RBFOX1: variants seen among roughly 807,000 people sequenced by gnomAD.
RBFOX1 encodes RNA binding protein fox-1 homolog 1.
RBFOX1 carries 8 observed loss-of-function variants against 57.7 expected under a neutral mutation model. The observed-to-expected ratio is 0.14, with a 90% CI of 0.08 to 0.25. RBFOX1 has a LOEUF of 0.25. Among genes scored for constraint, RBFOX1 ranks in the 10% least tolerant of loss-of-function variants. RBFOX1 has a pLI of 1.00. For missense variants in RBFOX1, 611 were observed against 548.5 expected (o/e 1.11, Z -1.14); for synonymous variants, 326 against 222.4 (o/e 1.47, Z -4.15).
At chr16:7,659,289 G>A (rs1303962900) in intron 12 of RBFOX1, among the ~76,000 whole-genome samples, 3 of 152,178 alleles carry the variant, frequency 2.0e-5, no homozygotes, top group South Asian at 2.1e-4. Context: ...ATGTTTTCAC[G>A]TTAAGTCCTA....
At chr16:5,796,070 T>TG (rs1047811334) in intron 3 of RBFOX1, among the ~76,000 whole-genome samples, 1 of 152,162 alleles carries the variant, frequency 6.6e-6, no homozygotes, top group African/African-American at 2.4e-5. Context: ...GCTTGTAGAT[T>TG]GGGGGAAGGG....
intron 2 of RBFOX1, among the ~76,000 whole-genome samples, chr16:5,502,512 T>C (rs1400339764): frequency 1.3e-5 from 2 of 152,200 alleles, no homozygotes; most frequent in Non-Finnish European, 2.9e-5. Context: ...TCTCTGGGTC[T>C]GGCTGGAGAC....
chr16:6,207,050 A>T (rs1272415241), intron 1 of RBFOX1, among the ~76,000 whole-genome samples: 3 of 147,864 alleles, frequency 2.0e-5, no homozygotes, highest in Non-Finnish European at 3.0e-5. Flanking sequence ...CTCAAGTTTT[A>T]TTTGGAGTTG....
chr16:7,691,211 C>G (rs1262683829), intron 14 of RBFOX1, among the ~76,000 whole-genome samples: 1 of 128,164 alleles, frequency 7.8e-6, no homozygotes, highest in African/African-American at 2.7e-5. Flanking sequence ...AGAACTCTGC[C>G]TTGAAACAGA....
chr16:7,420,500 C>T (rs968080327), intron 4 of RBFOX1, among the ~76,000 whole-genome samples: 1 of 152,150 alleles, frequency 6.6e-6, no homozygotes, highest in East Asian at 1.9e-4. Flanking sequence ...CATCTCTTGT[C>T]AGACTCATGT....
downstream of RBFOX1, among the ~76,000 whole-genome samples, chr16:5,604,010 C>A (rs1043867255): frequency 3.9e-5 from 6 of 152,084 alleles, no homozygotes; most frequent in African/African-American, 1.4e-4. Flanking sequence ...CATTAGTAAT[C>A]AATGGTGCCA....
At chr16:5,759,701 C>G (rs987013012) in intron 3 of RBFOX1, among the ~76,000 whole-genome samples, 2 of 152,180 alleles carry the variant, frequency 1.3e-5, no homozygotes, top group Admixed American at 6.5e-5. Context: ...CCACAAGCCT[C>G]TCGGTCTTTC....
intron 3 of RBFOX1, among the ~76,000 whole-genome samples, chr16:5,836,085 G>C (rs1473549808): frequency 1.3e-5 from 2 of 152,224 alleles, no homozygotes; most frequent in African/African-American, 4.8e-5. Flanking sequence ...GTAGCTTGCA[G>C]CAGATGTTTA....
intron 3 of RBFOX1, among the ~76,000 whole-genome samples, chr16:6,886,285 C>A (rs528666467): frequency 6.6e-6 from 1 of 151,868 alleles, no homozygotes; most frequent in Non-Finnish European, 1.5e-5. Flanking sequence ...TAGTCTCGAT[C>A]TCTTGACCTC....
chr16:6,816,113 G>C (rs1226685460), intron 3 of RBFOX1, among the ~76,000 whole-genome samples: 2 of 152,088 alleles, frequency 1.3e-5, no homozygotes, highest in African/African-American at 4.8e-5. Flanking sequence ...TTCGAGACCA[G>C]CCTGTGCAAC....
chr16:6,737,978 C>G (rs1245710608), intron 3 of RBFOX1, among the ~76,000 whole-genome samples: 3 of 151,014 alleles, frequency 2.0e-5, no homozygotes, highest in East Asian at 1.9e-4. Flanking sequence ...GAGAAAAGTG[C>G]TAAATAAATT....
intron 4 of RBFOX1, among the ~76,000 whole-genome samples, chr16:7,482,135 A>AACAATAAT (rs1460982703): frequency 2.6e-5 from 4 of 152,208 alleles, no homozygotes; most frequent in African/African-American, 9.7e-5. Context: ...CTATAGTCAT[A>AACAATAAT]ACAATAATAT....
chr16:5,589,263 T>C (rs2046930931), intron 2 of RBFOX1, among the ~76,000 whole-genome samples: 1 of 152,158 alleles, frequency 6.6e-6, no homozygotes, highest in Non-Finnish European at 1.5e-5. Context: ...AATGCTTCTG[T>C]TCCTTTGCAT....
At chr16:7,200,215 C>T (rs963141174) in intron 4 of RBFOX1, among the ~76,000 whole-genome samples, 1 of 152,124 alleles carries the variant, frequency 6.6e-6, no homozygotes, top group African/African-American at 2.4e-5. Flanking sequence ...AAAGGAAACT[C>T]GACTGTCCTT....
At chr16:7,285,352 A>G (rs2095629102) in intron 4 of RBFOX1, among the ~76,000 whole-genome samples, 1 of 151,456 alleles carries the variant, frequency 6.6e-6, no homozygotes, top group African/African-American at 2.4e-5. Context: ...ATTTTATTCA[A>G]ATTTCCCCAA....
At chr16:5,725,525 A>C (rs915948089) in intron 3 of RBFOX1, among the ~76,000 whole-genome samples, 2 of 151,742 alleles carry the variant, frequency 1.3e-5, no homozygotes, top group African/African-American at 4.8e-5. Flanking sequence ...TTAGCCTCCA[A>C]GTGTTGGGAC....
intron 3 of RBFOX1, among the ~76,000 whole-genome samples, chr16:6,810,699 G>A (rs2039150168): frequency 6.6e-6 from 1 of 152,060 alleles, no homozygotes. Context: ...GTACAATCAC[G>A]GTGGAAGGCA....
chr16:5,731,985 C>A (rs1005824955), intron 3 of RBFOX1, among the ~76,000 whole-genome samples: 2 of 152,310 alleles, frequency 1.3e-5, no homozygotes, highest in South Asian at 4.1e-4. Context: ...GAATTCTCCA[C>A]CCCATATCAG....
intron 3 of RBFOX1, among the ~76,000 whole-genome samples, chr16:6,752,363 T>G (rs2075084950): frequency 6.6e-6 from 1 of 152,190 alleles, no homozygotes; most frequent in Non-Finnish European, 1.5e-5. Context: ...ATTAATATGC[T>G]GTGTCCATAT....
Sources: allele counts gnomAD v4.1 joint callset (sites outside exome capture counted in the v4.1 genomes callset), GRCh38; gene constraint gnomAD v4.1.1; transcripts MANE v1.5; gene names NCBI Gene and HGNC (gene_info 2026-07-23, HGNC 2026-07-21).